Variants in AK5 observed in about 807,000 individuals in gnomAD.
The protein encoded by AK5 is adenylate kinase isoenzyme 5.
Under a neutral mutation model 69.5 loss-of-function variants are expected in AK5, and 27 were observed. The observed-to-expected ratio is 0.39, with a 90% CI of 0.29 to 0.54. The LOEUF (loss-of-function observed/expected upper bound fraction) is 0.54, where lower values mean the gene tolerates loss of function less well. Ranked by LOEUF, AK5 falls within the 20% of genes least tolerant of loss-of-function variation. AK5 has a pLI of 0.71. For synonymous variants in AK5, 260 were observed against 244.4 expected, an observed-to-expected ratio of 1.06 and a Z score of -0.60; for missense variants, 531 against 700.4, an observed-to-expected ratio of 0.76 and a Z score of 2.73.
chr1:77,504,371 A>C (rs1023148178), intron 10 of AK5, among the ~76,000 whole-genome samples: 2 of 151,994 alleles, frequency 1.3e-5, no homozygotes, highest in Non-Finnish European at 2.9e-5. Context: ...CAAACAGCCC[A>C]ATACCTGGGA....
chr1:77,320,732 A>C (rs1660487824), intron 5 of AK5, among the ~76,000 whole-genome samples: 1 of 152,122 alleles, frequency 6.6e-6, no homozygotes, highest in South Asian at 2.1e-4. Flanking sequence ...CTGGGTGTTG[A>C]CAAGCAAGAC....
chr1:77,312,781 T>C (rs1299685787), intron 5 of AK5, among the ~76,000 whole-genome samples: 1 of 152,106 alleles, frequency 6.6e-6, no homozygotes, highest in African/African-American at 2.4e-5. Context: ...CTGTCTTTTT[T>C]TCCATCCAGT....
At chr1:77,494,972 C>T (rs931157937) in intron 10 of AK5, among the ~76,000 whole-genome samples, 2 of 151,900 alleles carry the variant, frequency 1.3e-5, no homozygotes, top group Admixed American at 1.3e-4. Flanking sequence ...TTAATAGAGA[C>T]GGGGTTTCAC....
chr1:77,394,812 T>A (rs1173676454), intron 6 of AK5, among the ~76,000 whole-genome samples: 1 of 152,198 alleles, frequency 6.6e-6, no homozygotes, highest in African/African-American at 2.4e-5. Flanking sequence ...GCAACAAATG[T>A]ATGTACTCAA....
At position 77,558,920 on chromosome 1, in the gene AK5, C is replaced by T. The variant is rs1255147853; in HGVS notation, c.*250C>T. 9.9e-6 allele frequency: 4 copies of T among 405,658 alleles called. No individual in the cohort carries two copies. The highest frequency in any genetic ancestry group is 4.0e-5 in the Admixed American group (1 of 24,892). 25.1% of individuals were successfully genotyped at this position (405,658 alleles called of 1,614,324 possible). A position where few individuals can be genotyped will look rare whatever the true frequency, so the allele number is the denominator to read the frequency against. ...CAACTGTCTGCACTCACGGCACACACACTTTGTATCATGCAGGCCACACTC... is the reference window on the plus strand; with the variant it reads ...CAACTGTCTGCACTCACGGCACACATACTTTGTATCATGCAGGCCACACTC... On this transcript the variant is annotated 3_prime_UTR_variant, in exon 14 of 14. Transcript: ENST00000354567.
At chr1:77,432,130 C>T (rs564572787) in intron 8 of AK5, among the ~76,000 whole-genome samples, 12 of 152,276 alleles carry the variant, frequency 7.9e-5, no homozygotes, top group Non-Finnish European at 1.5e-4. Flanking sequence ...ACAAGTGACT[C>T]TATTTTGATT....
At chr1:77,444,356 ATATATAGTATAAATATATAC>A (rs1652576190) in intron 8 of AK5, among the ~76,000 whole-genome samples, 6 of 41,682 alleles carry the variant, frequency 1.4e-4, no homozygotes, top group African/African-American at 5.0e-4. Flanking sequence ...ATATATGTGT[ATATATAGTATAAATATATAC>A]TATATATAGT....
chr1:77,330,753 A>G (rs1476954851), intron 5 of AK5, among the ~76,000 whole-genome samples: 1 of 152,196 alleles, frequency 6.6e-6, no homozygotes, highest in East Asian at 1.9e-4. Flanking sequence ...CTCCCCAGAA[A>G]ACCTGTTGGA....
chr1:77,397,322 C>T (rs1156402711), intron 6 of AK5, among the ~76,000 whole-genome samples: 1 of 152,166 alleles, frequency 6.6e-6, no homozygotes, highest in African/African-American at 2.4e-5. Flanking sequence ...AGCACACCTC[C>T]ATCACAGCCC....
In AK5 at chr1:77,368,284, T is replaced by A. The variant is rs370927638; in HGVS notation, c.891+27716T>A. ...TATGTTATATATATGTTATATATGTTATATATATGTTATATATAATATATA... is the reference window on the plus strand; with the variant it reads ...TATGTTATATATATGTTATATATGTAATATATATGTTATATATAATATATA... On this transcript the variant is annotated intron_variant, in intron 6 of 13. Coordinates refer to ENST00000354567, the MANE Select transcript of AK5 (RefSeq NM_174858.3). 3.8e-3 allele frequency among the ~76,000 whole-genome samples: 378 copies of A among 98,840 alleles called. 5 individuals carry two copies. The highest frequency in any genetic ancestry group is 5.3e-3 in the Non-Finnish European group (260 of 48,844). The allele number at this position is 98,840 out of a possible 152,430, so 64.8% of individuals were successfully genotyped here. A position where few individuals can be genotyped will look rare whatever the true frequency, so the allele number is the denominator to read the frequency against.
At chr1:77,358,816 T>TG (rs1553138193) in intron 6 of AK5, among the ~76,000 whole-genome samples, 2 of 8,088 alleles carry the variant, frequency 2.5e-4, no homozygotes, top group African/African-American at 4.1e-4. Flanking sequence ...TCCTATCCCC[T>TG]GAAAAAAAAA....
At chr1:77,315,788 T>C (rs1660214728) in intron 5 of AK5, among the ~76,000 whole-genome samples, 2 of 151,948 alleles carry the variant, frequency 1.3e-5, no homozygotes, top group African/African-American at 4.8e-5. Context: ...ATTTAAAAAG[T>C]CAATTTGAAC....
At chr1:77,410,889 A>T (rs530374551) in intron 6 of AK5, 92 bp from the exon 7 acceptor site, 2 of 923,206 alleles carry the variant, frequency 2.2e-6, no homozygotes, top group East Asian at 5.0e-5. Flanking sequence ...TTCATTAGAG[A>T]TACAGTTGTG....
chr1:77,536,117 A>G, intron 13 of AK5, 79 bp downstream of exon 13: 2 of 1,437,518 alleles, frequency 1.4e-6, no homozygotes, highest in South Asian at 2.9e-5. Flanking sequence ...AAAAGCTGAG[A>G]ACATTTTAGT....
Position 77,367,749 on chromosome 1 carries a change from TATATGTTATATATA to T in AK5, c.891+27186_891+27199del, listed in dbSNP as rs1557533685. Among the ~76,000 whole-genome samples, 276 of 46,718 alleles carry T rather than the reference TATATGTTATATATA, an allele frequency of 5.9e-3. 1 individual carries two copies. Among genetic ancestry groups the T allele is most frequent in the African/African-American group, 0.011 (110 of 10,096 alleles). The allele number at this position is 46,718 out of a possible 152,430, so 30.6% of individuals were successfully genotyped here. On this transcript the variant is annotated intron_variant, in intron 6 of 13. Transcript: ENST00000354567. ...TATGTTATATATACGTTATATGTTA[TATATGTTATATATA>T]ATATATGTTATATATAATATATGTT...
chr1:77,545,001 T>C (rs541015222), intron 13 of AK5, among the ~76,000 whole-genome samples: 1 of 152,366 alleles, frequency 6.6e-6, no homozygotes, highest in South Asian at 2.1e-4. Context: ...TTGTGATGGC[T>C]ACCACATCAC....
intron 5 of AK5, among the ~76,000 whole-genome samples, chr1:77,321,721 T>A (rs193270755): frequency 6.6e-6 from 1 of 152,358 alleles, no homozygotes; most frequent in East Asian, 1.9e-4. Flanking sequence ...TTACCATTTC[T>A]ATTTAACGTT....
At chr1:77,337,305 C>A (rs901116681) in intron 5 of AK5, among the ~76,000 whole-genome samples, 1 of 152,154 alleles carries the variant, frequency 6.6e-6, no homozygotes, top group African/African-American at 2.4e-5. Flanking sequence ...CAAAGAGAAG[C>A]ACTTACATTA....
At chr1:77,443,097 T>C (rs942230684) in intron 8 of AK5, among the ~76,000 whole-genome samples, 5 of 152,224 alleles carry the variant, frequency 3.3e-5, no homozygotes, top group Non-Finnish European at 7.3e-5. Flanking sequence ...TGAGATCTTC[T>C]GTAATAATTA....
Sources: allele counts gnomAD v4.1 joint callset (sites outside exome capture counted in the v4.1 genomes callset), GRCh38; gene constraint gnomAD v4.1.1; transcripts MANE v1.5; gene names NCBI Gene and HGNC (gene_info 2026-07-23, HGNC 2026-07-21).